CAMKK2: variants seen among roughly 807,000 people sequenced by gnomAD.
CAMKK2 encodes the protein calcium/calmodulin dependent protein kinase kinase 2, also known as calcium/calmodulin-dependent protein kinase kinase 2.
Under a neutral mutation model 67.2 loss-of-function variants are expected in CAMKK2, and 30 were observed. The ratio of observed to expected loss-of-function variants is 0.45; its 90% CI spans 0.33 to 0.61. The LOEUF (loss-of-function observed/expected upper bound fraction) is 0.61, where lower values mean the gene tolerates loss of function less well. CAMKK2 is among the 20% of genes least tolerant of loss of function. The pLI is 0.02. For missense variants in CAMKK2, 643 were observed against 802.0 expected (o/e 0.80, Z 2.39); for synonymous variants, 322 against 326.2 (o/e 0.99, Z 0.14).
intron 11 of CAMKK2, among the ~76,000 whole-genome samples, chr12:121,251,381 T>G (rs770891287): frequency 3.3e-5 from 5 of 152,216 alleles, no homozygotes; most frequent in Non-Finnish European, 7.3e-5. Context: ...AAAAATTTTC[T>G]AATCAAATAT....
chr12:121,255,315 T>TATATATATATAA (rs1566059576), intron 9 of CAMKK2, among the ~76,000 whole-genome samples: 1 of 5,620 alleles, frequency 1.8e-4, no homozygotes, highest in African/African-American at 5.8e-4. Context: ...TATATATAAT[T>TATATATATATAA]TTATATATAT....
Position 121,240,394 on chromosome 12 carries a change from G to A in CAMKK2, c.*305C>T. On this transcript the variant is annotated 3_prime_UTR_variant, in exon 17 of 17. Coordinates refer to ENST00000404169, the MANE Select transcript of CAMKK2 (RefSeq NM_001270485.2). This position sits in a 1 kb window ranked among gnomAD's most constrained non-coding sequence, Gnocchi z 4.4. ...CTGACGTGGTTCTGAAAATCACAAT[G>A]AAGGATTTTTGGCATAAAAACGTTT... 1 of 1,476,818 alleles carries A rather than the reference G, an allele frequency of 6.8e-7. No individual in the cohort carries two copies. Among genetic ancestry groups the A allele is most frequent in the Non-Finnish European group, 9.1e-7 (1 of 1,101,168 alleles). 91.5% of individuals were successfully genotyped at this position (1,476,818 alleles called of 1,614,324 possible).
intron 1 of CAMKK2, among the ~76,000 whole-genome samples, chr12:121,286,231 G>C (rs1466790789): frequency 2.0e-5 from 3 of 152,222 alleles, no homozygotes; most frequent in Non-Finnish European, 4.4e-5. Context: ...TCTCATCCAG[G>C]CCAAACTGCC....
rs1887782262 is a variant in CAMKK2, at chr12:121,237,705, GCTGT to G, written c.*2990_*2993del. Reference sequence around the variant, plus strand: ...AGAGGCCCAGGCTTGGCACCATTTTGCTGTCTGTTTATTTCAACTGTACAGAGAA... The same window carrying G: ...AGAGGCCCAGGCTTGGCACCATTTTGCTGTTTATTTCAACTGTACAGAGAA... On this transcript the variant is annotated 3_prime_UTR_variant, in exon 17 of 17. Coordinates refer to ENST00000404169, the MANE Select transcript of CAMKK2 (RefSeq NM_001270485.2). This position sits in a 1 kb window ranked among gnomAD's most constrained non-coding sequence, Gnocchi z 4.5. 1 of 152,568 alleles carries G rather than the reference GCTGT, an allele frequency of 6.6e-6. No homozygotes were observed. The highest frequency in any genetic ancestry group is 1.5e-5 in the Non-Finnish European group (1 of 68,024). The allele number at this position is 152,568 out of a possible 1,614,324, so 9.5% of individuals were successfully genotyped here.
At chr12:121,241,764 C>T (rs1888431072) in intron 16 of CAMKK2, among the ~76,000 whole-genome samples, 1 of 152,214 alleles carries the variant, frequency 6.6e-6, no homozygotes, top group South Asian at 2.1e-4. Flanking sequence ...TGGGTAAGGT[C>T]CCTGGGGAGG....
Position 121,240,240 on chromosome 12 carries a change from C to T in CAMKK2, c.*459G>A. 1.6e-6 allele frequency: 1 copy of T among 612,126 alleles called. No individual in the cohort carries two copies. Among genetic ancestry groups the T allele is most frequent in the Admixed American group, 3.0e-5 (1 of 33,206 alleles). 37.9% of individuals were successfully genotyped at this position (612,126 alleles called of 1,614,324 possible). On this transcript the variant is annotated 3_prime_UTR_variant, in exon 17 of 17. Coordinates refer to ENST00000404169, the MANE Select transcript of CAMKK2 (RefSeq NM_001270485.2). This position sits in a 1 kb window ranked among gnomAD's most constrained non-coding sequence, Gnocchi z 4.4. ...GGAAGGTGCCATGGTTTCCGGTTTG[C>T]ACTAGGAGCCACATCTAGCCCCCTA...
chr12:121,287,405 G>C (rs1297221081), intron 1 of CAMKK2, among the ~76,000 whole-genome samples: 5 of 152,056 alleles, frequency 3.3e-5, no homozygotes, highest in Non-Finnish European at 7.4e-5. Context: ...CGCAACAGAG[G>C]CTGCAGATGG....
intron 1 of CAMKK2, among the ~76,000 whole-genome samples, chr12:121,286,522 CT>C (rs1239318063): frequency 1.3e-5 from 2 of 151,970 alleles, no homozygotes; most frequent in African/African-American, 2.4e-5. Flanking sequence ...GTTATAGATA[CT>C]GTTTTGTTTG....
chr12:121,240,488 A>T lies in CAMKK2; in HGVS notation c.*211T>A. ...ACTCCTCACACCCGCCTGTCCAGCC[A>T]GCCAGCGGCCACGGTCGACGTCATG... On this transcript the variant is annotated 3_prime_UTR_variant, in exon 17 of 17. Coordinates refer to ENST00000404169, the MANE Select transcript of CAMKK2 (RefSeq NM_001270485.2). The surrounding 1 kb of genome is among the most constrained non-coding windows in gnomAD (Gnocchi z 4.4). 1 of 1,535,366 alleles carries T rather than the reference A, an allele frequency of 6.5e-7. No homozygotes were observed. Among genetic ancestry groups the T allele is most frequent in the Non-Finnish European group, 8.7e-7 (1 of 1,146,828 alleles).
At chr12:121,262,636 G>A (rs1235062534) in intron 6 of CAMKK2, among the ~76,000 whole-genome samples, 1 of 152,054 alleles carries the variant, frequency 6.6e-6, no homozygotes, top group East Asian at 1.9e-4. Flanking sequence ...ATGGCTCACT[G>A]TAGCCTCGAA....
Position 121,255,344 on chromosome 12 carries a change from A to ATATATATAATTTTATATAATTT in CAMKK2, c.907+205_907+206insAAATTATATAAAATTATATATA, listed in dbSNP as rs1891978335. Among the ~76,000 whole-genome samples, 4 of 9,800 alleles carry ATATATATAATTTTATATAATTT rather than the reference A, an allele frequency of 4.1e-4. 1 individual carries two copies. Among genetic ancestry groups the ATATATATAATTTTATATAATTT allele is most frequent in the South Asian group, 1.7e-3 (1 of 572 alleles). The allele number at this position is 9,800 out of a possible 152,430, so 6.4% of individuals were successfully genotyped here. On this transcript the variant is annotated intron_variant, in intron 9 of 16. Transcript: ENST00000404169. The stretch of plus-strand genomic sequence containing the variant: ...TATATATATAATTATATATAATTTT[A>ATATATATAATTTTATATAATTT]TATATATAATTATATATATAATTTT...
intron 5 of CAMKK2, among the ~76,000 whole-genome samples, chr12:121,265,491 G>A (rs547981309): frequency 3.9e-5 from 6 of 152,226 alleles, no homozygotes; most frequent in African/African-American, 9.6e-5. Flanking sequence ...AATCCCCAAC[G>A]TGATGGTATT....
At chr12:121,276,381 T>C (rs1328466469) in intron 1 of CAMKK2, among the ~76,000 whole-genome samples, 5 of 151,794 alleles carry the variant, frequency 3.3e-5, no homozygotes, top group African/African-American at 1.2e-4. Flanking sequence ...GGCAGGAGAA[T>C]CACTTGAATC....
intron 1 of CAMKK2, among the ~76,000 whole-genome samples, chr12:121,279,638 G>A (rs1430475476): frequency 6.6e-6 from 1 of 152,202 alleles, no homozygotes; most frequent in African/African-American, 2.4e-5. Flanking sequence ...GAGCGTGAGA[G>A]GAGGACTTTT....
intron 16 of CAMKK2, among the ~76,000 whole-genome samples, chr12:121,241,871 C>T (rs983151061): frequency 2.6e-5 from 4 of 152,196 alleles, no homozygotes; most frequent in Non-Finnish European, 5.9e-5. Context: ...GGCAGGCAGG[C>T]CCCCAGTCCA....
intron 9 of CAMKK2, among the ~76,000 whole-genome samples, chr12:121,254,979 G>A (rs1280863028): frequency 6.6e-5 from 10 of 151,422 alleles, no homozygotes; most frequent in South Asian, 4.2e-4. Context: ...AGCTGCCAGC[G>A]AATATAAAGC....
At chr12:121,265,588 G>A (rs1240111768) in intron 5 of CAMKK2, among the ~76,000 whole-genome samples, 1 of 152,180 alleles carries the variant, frequency 6.6e-6, no homozygotes, top group Non-Finnish European at 1.5e-5. Context: ...GAGACCTCAG[G>A]CTGGGCGCAG....
At chr12:121,249,743 G>A in intron 13 of CAMKK2, 44 bp downstream of exon 13, 2 of 1,546,006 alleles carry the variant, frequency 1.3e-6, no homozygotes, top group Non-Finnish European at 1.8e-6. Flanking sequence ...GCATGGCTGA[G>A]CCAAACAATT....
chr12:121,244,197 T>C, intron 16 of CAMKK2: 1 of 1,545,724 alleles, frequency 6.5e-7, no homozygotes, highest in Non-Finnish European at 8.8e-7. Context: ...CAGTGCAGCA[T>C]GCCTGACCTA....
Sources: allele counts gnomAD v4.1 joint callset (sites outside exome capture counted in the v4.1 genomes callset), GRCh38; gene constraint gnomAD v4.1.1; non-coding constraint Gnocchi (gnomAD v3.1); transcripts MANE v1.5; gene names NCBI Gene and HGNC (gene_info 2026-07-23, HGNC 2026-07-21).